The following AJAP1 variants were observed in gnomAD, a reference collection of about 807,000 sequenced individuals.
The protein encoded by AJAP1 is adherens junctions associated protein 1, also known as adherens junction-associated protein 1.
Under a neutral mutation model 35.0 loss-of-function variants are expected in AJAP1, and 5 were observed. That is an observed-to-expected ratio of 0.14 (90% confidence interval 0.07 to 0.30). The LOEUF (loss-of-function observed/expected upper bound fraction) is 0.30. Ranked by LOEUF, AJAP1 falls within the 10% of genes least tolerant of loss-of-function variation. The pLI, the probability that AJAP1 is intolerant of heterozygous loss-of-function variation, is 1.00. For missense variants in AJAP1, 586 were observed against 571.0 expected, an observed-to-expected ratio of 1.03 and a Z score of -0.27; for synonymous variants, 284 against 249.3, an observed-to-expected ratio of 1.14 and a Z score of -1.31.
rs927339029 is a variant in AJAP1 at position 4,741,679 on chromosome 1, G to A, written c.830-28174G>A. Among the ~76,000 whole-genome samples, 6 of 152,162 alleles carry A rather than the reference G, an allele frequency of 3.9e-5. 1 individual carries two copies. In the South Asian group the frequency reaches 8.3e-4, roughly 21 times the overall value. On this transcript the variant is annotated intron_variant, in intron 2 of 5. Coordinates refer to ENST00000378191, the MANE Select transcript of AJAP1 (RefSeq NM_018836.4). ...TTTCTTGGCTCTCCAATTAAGAGGC[G>A]CTAGGCAGTGATGCTCCAGCAGAGA... is the stretch of plus-strand genomic sequence containing the variant.
intron 2 of AJAP1, among the ~76,000 whole-genome samples, chr1:4,755,598 A>C (rs1641412274): frequency 6.6e-6 from 1 of 151,996 alleles, no homozygotes; most frequent in African/African-American, 2.4e-5. Flanking sequence ...CTCAGACCTC[A>C]CTGGAAGGCA....
intron 2 of AJAP1, among the ~76,000 whole-genome samples, chr1:4,731,990 CT>C (rs1156390067): frequency 1.3e-5 from 2 of 152,220 alleles, no homozygotes; most frequent in Non-Finnish European, 2.9e-5. Flanking sequence ...AGGCAGCAGC[CT>C]TAGGGACAGA....
rs1638845581 is a variant in AJAP1, at chr1:4,655,109, C to G, written c.-317C>G. 1.3e-5 allele frequency: 2 copies of G among 150,094 alleles called. No individual in the cohort carries two copies. The highest frequency in any genetic ancestry group is 3.0e-5 in the Non-Finnish European group (2 of 67,270). The allele number at this position is 150,094 out of a possible 1,614,324, so 9.3% of individuals were successfully genotyped here. A position where few individuals can be genotyped will look rare whatever the true frequency, so the allele number is the denominator to read the frequency against. On this transcript the variant is annotated 5_prime_UTR_variant, in exon 1 of 6. Coordinates refer to ENST00000378191, the MANE Select transcript of AJAP1 (RefSeq NM_018836.4). The surrounding 1 kb of genome is among the most constrained non-coding windows in gnomAD (Gnocchi z 6.9). Reference sequence around the variant, plus strand: ...TTGCTGCGCCGCGACAGCGCCGGAACACGCCCCGCCTCGCTGCCGCCTTCG... The same window carrying G: ...TTGCTGCGCCGCGACAGCGCCGGAAGACGCCCCGCCTCGCTGCCGCCTTCG...
intron 2 of AJAP1, among the ~76,000 whole-genome samples, chr1:4,753,744 G>A (rs1247370878): frequency 2.6e-5 from 4 of 152,078 alleles, no homozygotes; most frequent in East Asian, 1.9e-4. Flanking sequence ...AGCTAATTTT[G>A]TATTTTTAGT....
chr1:4,783,237 A>G lies in AJAP1; in HGVS notation c.*752A>G, dbSNP rs1642100372. On this transcript the variant is annotated 3_prime_UTR_variant, in exon 6 of 6. Transcript: ENST00000378191. The stretch of plus-strand genomic sequence containing the variant: ...CACATGTGCGCATTACACACACACA[A>G]TACACATACATGCATATAGACGCAT... 6.2e-6 allele frequency: 1 copy of G among 160,164 alleles called. No individual in the cohort carries two copies. The highest frequency in any genetic ancestry group is 2.0e-4 in the South Asian group (1 of 4,888). 9.9% of individuals were successfully genotyped at this position (160,164 alleles called of 1,614,324 possible).
chr1:4,790,165 G>C lies in AJAP1; in HGVS notation c.*7680G>C, dbSNP rs1642227098. On this transcript the variant is annotated 3_prime_UTR_variant, in exon 6 of 6. Transcript: ENST00000378191. ...GGGCATAGGAGCAAGCTGATGGCAT[G>C]GCTCTTGACAAGGTTTTCTATAGGG... 6.6e-6 allele frequency: 1 copy of C among 152,270 alleles called. No individual in the cohort carries two copies. The highest frequency in any genetic ancestry group is 6.5e-5 in the Admixed American group (1 of 15,282). The allele number at this position is 152,270 out of a possible 1,614,324, so 9.4% of individuals were successfully genotyped here. A position where few individuals can be genotyped will look rare whatever the true frequency, so the allele number is the denominator to read the frequency against.
intron 1 of AJAP1, among the ~76,000 whole-genome samples, chr1:4,685,068 G>A (rs762802829): frequency 4.6e-5 from 7 of 152,138 alleles, no homozygotes; most frequent in Non-Finnish European, 8.8e-5. Context: ...TTCTCTGGAG[G>A]ATGCAGTCAT....
At chr1:4,719,228 A>G (rs242040) in intron 2 of AJAP1, among the ~76,000 whole-genome samples, 24,393 of 152,148 alleles carry the variant, frequency 0.16, 2,262 homozygotes, top group Non-Finnish European at 0.2. Context: ...TATTCAATGA[A>G]CCATCAGCTC....
At chr1:4,745,937 G>T (rs1641176704) in intron 2 of AJAP1, among the ~76,000 whole-genome samples, 1 of 152,180 alleles carries the variant, frequency 6.6e-6, no homozygotes, top group African/African-American at 2.4e-5. Context: ...TAGTGTCTCA[G>T]CCTCTCCCAG....
At chr1:4,709,342 A>G (rs79910972) in intron 1 of AJAP1, among the ~76,000 whole-genome samples, 3,151 of 149,490 alleles carry the variant, frequency 0.021, 86 homozygotes, top group South Asian at 0.12. Context: ...GGTGGAGTAT[A>G]GTGGGGACTG....
intron 5 of AJAP1, chr1:4,777,271 GCTGGGAAGCCTC>G (rs1176440311): frequency 6.6e-6 from 1 of 152,202 alleles, no homozygotes; most frequent in Admixed American, 6.5e-5. Flanking sequence ...CTCTCACATA[GCTGGGAAGCCTC>G]TCCAAATGCA....
At chr1:4,773,960 C>A (rs911118567) in intron 4 of AJAP1, among the ~76,000 whole-genome samples, 1 of 152,178 alleles carries the variant, frequency 6.6e-6, no homozygotes, top group Non-Finnish European at 1.5e-5. Flanking sequence ...AGGTCATGCT[C>A]TGTTGGGTTT....
intron 2 of AJAP1, among the ~76,000 whole-genome samples, chr1:4,722,398 T>G (rs977293850): frequency 6.6e-6 from 1 of 152,228 alleles, no homozygotes; most frequent in East Asian, 1.9e-4. Context: ...GTGACTGTTA[T>G]GAATCTCTGC....
rs1176738702 is a variant in AJAP1 at position 4,786,601 on chromosome 1, G to C, written c.*4116G>C. The C allele has an allele frequency of 6.6e-6, 1 of 152,224 alleles. No individual in the cohort carries two copies. The highest frequency in any genetic ancestry group is 1.5e-5 in the Non-Finnish European group (1 of 68,036). The allele number at this position is 152,224 out of a possible 1,614,324, so 9.4% of individuals were successfully genotyped here. A position where few individuals can be genotyped will look rare whatever the true frequency, so the allele number is the denominator to read the frequency against. ...ATATTGAAAGGTGAACGCACCAAAG[G>C]ATCGACCCTGTCACCTTGGATGGTC... On this transcript the variant is annotated 3_prime_UTR_variant, in exon 6 of 6. Coordinates refer to ENST00000378191, the MANE Select transcript of AJAP1 (RefSeq NM_018836.4).
At chr1:4,745,072 C>G (rs1244189409) in intron 2 of AJAP1, among the ~76,000 whole-genome samples, 2 of 152,074 alleles carry the variant, frequency 1.3e-5, no homozygotes, top group African/African-American at 2.4e-5. Flanking sequence ...TTGAGTGAGC[C>G]CATCCTAGCA....
At chr1:4,694,623 C>T (rs898406567) in intron 1 of AJAP1, among the ~76,000 whole-genome samples, 10 of 152,214 alleles carry the variant, frequency 6.6e-5, no homozygotes, top group African/African-American at 1.9e-4. Context: ...GAGATGAGCT[C>T]GTGGGTCACG....
intron 1 of AJAP1, among the ~76,000 whole-genome samples, chr1:4,706,830 C>G (rs58348176): frequency 0.023 from 3,529 of 151,928 alleles, 95 homozygotes; most frequent in South Asian, 0.12. Flanking sequence ...AACTGTTCTT[C>G]GGGAAAAAAG....
chr1:4,658,893 A>G (rs1238902093), intron 1 of AJAP1, among the ~76,000 whole-genome samples: 1 of 152,192 alleles, frequency 6.6e-6, no homozygotes, highest in Non-Finnish European at 1.5e-5. Context: ...GGCTTCTCCA[A>G]GGCATGCACC....
At chr1:4,674,252 CA>C (rs1639314018) in intron 1 of AJAP1, among the ~76,000 whole-genome samples, 1 of 152,070 alleles carries the variant, frequency 6.6e-6, no homozygotes, top group Non-Finnish European at 1.5e-5. Context: ...TTCTCTAGGT[CA>C]GGGGTTGGCA....
Sources: allele counts gnomAD v4.1 joint callset (sites outside exome capture counted in the v4.1 genomes callset), GRCh38; gene constraint gnomAD v4.1.1; non-coding constraint Gnocchi (gnomAD v3.1); transcripts MANE v1.5; gene names NCBI Gene and HGNC (gene_info 2026-07-23, HGNC 2026-07-21).